Variants in ACAD10 observed in about 807,000 individuals in gnomAD.
The protein encoded by ACAD10 is ACAD-10.
Under a neutral mutation model 116.8 loss-of-function variants are expected in ACAD10, and 112 were observed. The observed-to-expected ratio is 0.96, with a 90% CI of 0.82 to 1.12. The LOEUF is 1.12. Ranked by LOEUF, ACAD10 falls within the 50% of genes most tolerant of loss-of-function variation. The pLI is 0.00. For missense variants in ACAD10, 1,259 were observed against 1,350.2 expected (o/e 0.93, Z 1.06); for synonymous variants, 486 against 510.6 (o/e 0.95, Z 0.65).
At chr12:111,689,249 T>C (rs1198548208) in intron 1 of ACAD10, among the ~76,000 whole-genome samples, 1 of 151,800 alleles carries the variant, frequency 6.6e-6, no homozygotes, top group Non-Finnish European at 1.5e-5. Flanking sequence ...TATATAAATA[T>C]ATATACATGC....
intron 12 of ACAD10, among the ~76,000 whole-genome samples, chr12:111,738,900 C>G (rs377466671): frequency 6.8e-6 from 1 of 146,546 alleles, no homozygotes; most frequent in African/African-American, 2.5e-5. Context: ...TAAATAAGTC[C>G]ATGAGTAGTG....
At chr12:111,689,607 C>T (rs1030847586) in intron 1 of ACAD10, among the ~76,000 whole-genome samples, 2 of 151,964 alleles carry the variant, frequency 1.3e-5, no homozygotes, top group African/African-American at 2.4e-5. Flanking sequence ...GAACTCTCGA[C>T]CTCAGGTGAT....
intron 8 of ACAD10, among the ~76,000 whole-genome samples, chr12:111,724,516 T>C (rs1395769532): frequency 2.0e-5 from 3 of 152,164 alleles, no homozygotes; most frequent in African/African-American, 7.2e-5. Flanking sequence ...CTGGGCACCA[T>C]TGAGCACTGA....
At chr12:111,725,903 C>T (rs916103214) in intron 8 of ACAD10, among the ~76,000 whole-genome samples, 1 of 151,738 alleles carries the variant, frequency 6.6e-6, no homozygotes, top group East Asian at 1.9e-4. Flanking sequence ...TACTGAATAT[C>T]TAACCCATGT....
intron 7 of ACAD10, among the ~76,000 whole-genome samples, chr12:111,716,188 G>A (rs1888841997): frequency 6.6e-6 from 1 of 152,008 alleles, no homozygotes; most frequent in African/African-American, 2.4e-5. Flanking sequence ...AATGCAGCAA[G>A]ACCCTGTTTC....
intron 2 of ACAD10, 41 bp from the exon 3 acceptor site, chr12:111,702,121 G>GTATCAA: frequency 6.3e-7 from 1 of 1,599,444 alleles, no homozygotes; most frequent in Non-Finnish European, 8.5e-7. Context: ...ACCCCAGCAT[G>GTATCAA]TATCAATGTA....
intron 5 of ACAD10, 28 bp from the exon 6 acceptor site, chr12:111,712,467 ATAT>A: frequency 6.3e-7 from 1 of 1,583,828 alleles, no homozygotes; most frequent in South Asian, 1.2e-5. Flanking sequence ...ACAACAAAAA[ATAT>A]ACATCTACAT....
intron 8 of ACAD10, among the ~76,000 whole-genome samples, chr12:111,722,641 C>A (rs1889049868): frequency 6.6e-6 from 1 of 151,968 alleles, no homozygotes. Context: ...TCTTGCACCG[C>A]CCTTAATCCA....
intron 16 of ACAD10, among the ~76,000 whole-genome samples, chr12:111,747,963 T>C (rs565321236): frequency 7.2e-5 from 11 of 152,270 alleles, no homozygotes; most frequent in African/African-American, 2.6e-4. Flanking sequence ...AAGGTTCACC[T>C]GATTCCAAGG....
chr12:111,702,381 A>G, intron 3 of ACAD10, 71 bp downstream of exon 3: 1 of 1,548,192 alleles, frequency 6.5e-7, no homozygotes, highest in Non-Finnish European at 8.8e-7. Flanking sequence ...ACATTCATGT[A>G]TAAGTTAGTT....
intron 11 of ACAD10, among the ~76,000 whole-genome samples, chr12:111,736,520 T>A (rs574795162): frequency 2.0e-4 from 30 of 152,180 alleles, no homozygotes; most frequent in Non-Finnish European, 4.0e-4. Flanking sequence ...TCATTTTTGA[T>A]CAAATGACTG....
At chr12:111,754,341 A>C (rs995987318) in intron 19 of ACAD10, among the ~76,000 whole-genome samples, 1 of 152,168 alleles carries the variant, frequency 6.6e-6, no homozygotes, top group African/African-American at 2.4e-5. Context: ...ATTTTTTGAG[A>C]CAGGGCCTTG....
chr12:111,751,315 TA>T (rs576803165), intron 18 of ACAD10, among the ~76,000 whole-genome samples: 12 of 151,146 alleles, frequency 7.9e-5, no homozygotes, highest in Non-Finnish European at 1.6e-4. Context: ...CACTTAAATT[TA>T]AAAAAAAAGA....
At chr12:111,750,421 A>G (rs2135993211) in intron 18 of ACAD10, among the ~76,000 whole-genome samples, 2 of 152,186 alleles carry the variant, frequency 1.3e-5, no homozygotes, top group East Asian at 3.9e-4. Flanking sequence ...TGCCTGGCCA[A>G]AAAGAAAAAG....
chr12:111,707,053 C>T (rs1461610105), intron 4 of ACAD10, among the ~76,000 whole-genome samples: 1 of 151,860 alleles, frequency 6.6e-6, no homozygotes, highest in African/African-American at 2.4e-5. Context: ...GCTGGGATTA[C>T]AGGCATGAGC....
chr12:111,747,223 T>C (rs768930427), intron 15 of ACAD10, 37 bp downstream of exon 15: 4 of 1,609,608 alleles, frequency 2.5e-6, no homozygotes, highest in Middle Eastern at 3.3e-4. Context: ...TGCCTGGCCC[T>C]GTTGTTGTCG....
At chr12:111,724,847 G>A (rs916712961) in intron 8 of ACAD10, among the ~76,000 whole-genome samples, 1 of 150,574 alleles carries the variant, frequency 6.6e-6, no homozygotes, top group African/African-American at 2.4e-5. Flanking sequence ...GAGAGGGAGA[G>A]GGAGACCGTG....
intron 18 of ACAD10, among the ~76,000 whole-genome samples, chr12:111,752,432 C>T (rs941189764): frequency 1.3e-5 from 2 of 151,250 alleles, no homozygotes; most frequent in South Asian, 2.1e-4. Flanking sequence ...TATGAAACAC[C>T]CCATCTCTAT....
At chr12:111,730,012 A>T (rs1407184223) in intron 10 of ACAD10, 56 bp downstream of exon 10, 1 of 1,570,742 alleles carries the variant, frequency 6.4e-7, no homozygotes, top group African/African-American at 1.4e-5. Context: ...TCCAAGGGGG[A>T]ATTGAGCAAT....
Sources: allele counts gnomAD v4.1 joint callset (sites outside exome capture counted in the v4.1 genomes callset), GRCh38; gene constraint gnomAD v4.1.1; transcripts MANE v1.5; gene names NCBI Gene and HGNC (gene_info 2026-07-23, HGNC 2026-07-21).